KCTD20: variants seen among roughly 807,000 people sequenced by gnomAD.
The protein encoded by KCTD20 is BTB/POZ domain-containing protein KCTD20.
A neutral mutation model predicts 39.6 loss-of-function variants in KCTD20; 30 were observed. That is an observed-to-expected ratio of 0.76 (90% CI 0.57 to 1.03). The LOEUF is 1.03. Among genes scored for constraint, KCTD20 ranks in the 50% least tolerant of loss-of-function variants. The probability of loss-of-function intolerance (pLI) is 0.00; values close to 1 mark genes in which losing one functional copy is unlikely to be tolerated. For missense variants in KCTD20, 422 were observed against 522.0 expected (o/e 0.81, Z 1.87); for synonymous variants, 162 against 180.6 (o/e 0.90, Z 0.83).
chr6:36,474,704 T>G (rs994697578), intron 2 of KCTD20, 85 bp from the exon 3 acceptor site: 5 of 1,292,030 alleles, frequency 3.9e-6, no homozygotes, highest in Non-Finnish European at 5.2e-6. Context: ...TTTGTTTGTT[T>G]ACTTGTTTTA....
At chr6:36,467,369 C>T (rs1212717889) in intron 1 of KCTD20, among the ~76,000 whole-genome samples, 4 of 80,848 alleles carry the variant, frequency 4.9e-5, no homozygotes, top group African/African-American at 1.9e-4. Context: ...GACGGAGTTT[C>T]GCACTTTCGC....
intron 5 of KCTD20, 64 bp from the exon 6 acceptor site, chr6:36,481,498 T>C: frequency 1.6e-6 from 2 of 1,245,450 alleles, no homozygotes; most frequent in East Asian, 2.3e-5. Context: ...CTCATAGTCT[T>C]TTTCACTCCA....
chr6:36,446,353 TTAAA>T (rs1775048657), intron 1 of KCTD20, among the ~76,000 whole-genome samples: 2 of 152,174 alleles, frequency 1.3e-5, no homozygotes, highest in African/African-American at 4.8e-5. Context: ...TAAAAAAATA[TTAAA>T]TAAAGGCTTA....
At chr6:36,460,567 A>G (rs1024069603) in intron 1 of KCTD20, among the ~76,000 whole-genome samples, 3 of 152,194 alleles carry the variant, frequency 2.0e-5, no homozygotes, top group Non-Finnish European at 2.9e-5. Context: ...AGCCTCCCAA[A>G]GTGTTGGGAT....
In KCTD20 at chr6:36,489,124, G is replaced by A. The variant is rs956650713; in HGVS notation, c.*1949G>A. The stretch of plus-strand genomic sequence containing the variant: ...AATGGTGCTTCTTTTCTGCTTCTCA[G>A]TAGACTTCCATGCCATTACAAAGGA... On this transcript the variant is annotated 3_prime_UTR_variant, in exon 8 of 8. Coordinates refer to ENST00000373731, the MANE Select transcript of KCTD20 (RefSeq NM_173562.5). 1.3e-5 allele frequency: 2 copies of A among 152,610 alleles called. No homozygotes were observed. Among genetic ancestry groups the A allele is most frequent in the Non-Finnish European group, 2.9e-5 (2 of 68,038 alleles). 9.5% of individuals were successfully genotyped at this position (152,610 alleles called of 1,614,324 possible). A position where few individuals can be genotyped will look rare whatever the true frequency, so the allele number is the denominator to read the frequency against.
chr6:36,480,313 C>G (rs562221693), intron 5 of KCTD20, among the ~76,000 whole-genome samples: 1 of 151,830 alleles, frequency 6.6e-6, no homozygotes, highest in East Asian at 1.9e-4. Flanking sequence ...TGTCTCGACT[C>G]TAACAAACAA....
At chr6:36,472,559 G>C (rs1203527173) in intron 2 of KCTD20, among the ~76,000 whole-genome samples, 1 of 151,634 alleles carries the variant, frequency 6.6e-6, no homozygotes, top group Non-Finnish European at 1.5e-5. Context: ...TTCAAAAAGG[G>C]CTTGAAGAAA....
chr6:36,448,015 G>GTATATA lies in KCTD20; in HGVS notation c.-47+4924_-47+4929dup, dbSNP rs70975158. 2.9e-3 allele frequency among the ~76,000 whole-genome samples: 368 copies of GTATATA among 128,932 alleles called. 4 individuals are homozygous for GTATATA. Among genetic ancestry groups the GTATATA allele is most frequent in the African/African-American group, 0.011 (319 of 29,074 alleles). The allele number at this position is 128,932 out of a possible 152,430, so 84.6% of individuals were successfully genotyped here. On this transcript the variant is annotated intron_variant, in intron 1 of 7. Coordinates refer to ENST00000373731, the MANE Select transcript of KCTD20 (RefSeq NM_173562.5). ...CCAAAATATATGTGTATGTGTGTGT[G>GTATATA]TATATATATATATATATATATATAT...
In KCTD20 at chr6:36,482,878, G is replaced by T. The variant is rs140261053; in HGVS notation, c.856+1119G>T. ...GGAGAATCACTTGAACCCAGGAGGCGGAGGTTGCAGTGAGACAAGATCACA... is the reference window on the plus strand; with the variant it reads ...GGAGAATCACTTGAACCCAGGAGGCTGAGGTTGCAGTGAGACAAGATCACA... On this transcript the variant is annotated intron_variant, in intron 6 of 7. Transcript: ENST00000373731. Among the ~76,000 whole-genome samples the T allele has an allele frequency of 1.9e-4, 29 of 151,044 alleles. No individual in the cohort carries two copies. In the East Asian group the frequency reaches 5.7e-3, roughly 30 times the overall value.
Position 36,484,757 on chromosome 6 carries a change from G to C in KCTD20, c.900G>C (p.Glu300Asp). ...TCTACAGATTCTTCAAATATATTGA[G>C]AATAGGGATGTTGCAAAAACAGTGT... ...SKLYRFFKYI[E>D]NRDVAKTVLK... Residue 300 changes from glutamate to aspartate, a missense_variant, in exon 7 of 8, where the codon GAG becomes GAC. Physicochemically the swap from Glu to Asp is conservative, Grantham distance 45 (BLOSUM62 2). Transcript: ENST00000373731. The C allele has an allele frequency of 6.2e-7, 1 of 1,605,404 alleles. No homozygotes were observed. The highest frequency in any genetic ancestry group is 8.5e-7 in the Non-Finnish European group (1 of 1,175,620).
chr6:36,461,435 TA>T (rs1294840336), intron 1 of KCTD20, among the ~76,000 whole-genome samples: 1 of 152,222 alleles, frequency 6.6e-6, no homozygotes, highest in East Asian at 1.9e-4. Context: ...ATTCATGTTT[TA>T]TATTTAAACT....
Position 36,453,111 on chromosome 6 carries a change from A to G in KCTD20, c.-47+10000A>G, listed in dbSNP as rs1282100546. 2.0e-5 allele frequency among the ~76,000 whole-genome samples: 3 copies of G among 146,800 alleles called. No individual in the cohort carries two copies. The Admixed American group carries it at 2.1e-4, about 10-fold the overall frequency. On this transcript the variant is annotated intron_variant, in intron 1 of 7. Coordinates refer to ENST00000373731, the MANE Select transcript of KCTD20 (RefSeq NM_173562.5). ...CAACCTCCGCCTCCCAGGCTCAAGC[A>G]ATTTGAGTGCCTCAGCCTCCCAAGT... is the stretch of plus-strand genomic sequence containing the variant.
intron 1 of KCTD20, among the ~76,000 whole-genome samples, chr6:36,466,356 C>A (rs1483530549): frequency 2.0e-5 from 3 of 151,164 alleles, no homozygotes; most frequent in African/African-American, 4.9e-5. Flanking sequence ...AGCCACTGGG[C>A]CTGGCTGTGT....
chr6:36,477,946 T>C (rs747013939), intron 3 of KCTD20, among the ~76,000 whole-genome samples: 24 of 150,870 alleles, frequency 1.6e-4, no homozygotes, highest in Non-Finnish European at 3.2e-4. Flanking sequence ...ACAAAAAAAA[T>C]TAGCCGGGTG....
rs1776466838 is a variant in KCTD20, at chr6:36,487,606, C to CT, written c.*432dup. 6.4e-6 allele frequency: 1 copy of CT among 157,112 alleles called. No individual in the cohort carries two copies. Among genetic ancestry groups the CT allele is most frequent in the Non-Finnish European group, 1.4e-5 (1 of 71,270 alleles). The allele number at this position is 157,112 out of a possible 1,614,324, so 9.7% of individuals were successfully genotyped here. A position where few individuals can be genotyped will look rare whatever the true frequency, so the allele number is the denominator to read the frequency against. On this transcript the variant is annotated 3_prime_UTR_variant, in exon 8 of 8. Coordinates refer to ENST00000373731, the MANE Select transcript of KCTD20 (RefSeq NM_173562.5). ...GACCAAACTGAAAAGGTGACAATCT[C>CT]TAACTTCTAAAAGCAGACACCAATC... is the stretch of plus-strand genomic sequence containing the variant.
chr6:36,480,520 G>C (rs1348635650), intron 5 of KCTD20, among the ~76,000 whole-genome samples: 4 of 148,130 alleles, frequency 2.7e-5, no homozygotes, highest in Non-Finnish European at 6.0e-5. Context: ...AGCCTCCTGA[G>C]TAGCTGGGAC....
Position 36,470,264 on chromosome 6 carries a change from T to G in KCTD20, c.160+7T>G, listed in dbSNP as rs369128232. 6.3e-6 allele frequency: 10 copies of G among 1,594,652 alleles called. No individual in the cohort carries two copies. The South Asian group carries it at 7.9e-5, about 13-fold the overall frequency. ...CTAGGTCCCAGGAATGAAGGTACAG[T>G]GATTAACTCTTGACTTAATTTGGGG... On this transcript the variant is annotated splice_region_variant and intron_variant, in intron 2 of 7. Coordinates refer to ENST00000373731, the MANE Select transcript of KCTD20 (RefSeq NM_173562.5).
At chr6:36,450,874 C>T (rs147386609) in intron 1 of KCTD20, 41 of 152,274 alleles carry the variant, frequency 2.7e-4, no homozygotes, top group African/African-American at 7.9e-4. Context: ...CTGTTTCAAG[C>T]AGTTTTAAAA....
Position 36,487,375 on chromosome 6 carries a change from G to C in KCTD20, c.*200G>C, listed in dbSNP as rs956146386. On this transcript the variant is annotated 3_prime_UTR_variant, in exon 8 of 8. Coordinates refer to ENST00000373731, the MANE Select transcript of KCTD20 (RefSeq NM_173562.5). ...ATGAAGAAGTACTCACTGGTAATTA[G>C]CTACCATCTTTGCAGCAGCCCTGGT... 1 of 583,896 alleles carries C rather than the reference G, an allele frequency of 1.7e-6. No individual in the cohort carries two copies. Among genetic ancestry groups the C allele is most frequent in the African/African-American group, 1.9e-5 (1 of 53,710 alleles). 36.2% of individuals were successfully genotyped at this position (583,896 alleles called of 1,614,324 possible).
Sources: gnomAD v4.1 joint callset for allele counts (sites outside exome capture counted in the v4.1 genomes callset) on GRCh38, gnomAD v4.1.1 for gene constraint, MANE v1.5 for transcripts, NCBI Gene and HGNC (gene_info 2026-07-23, HGNC 2026-07-21) for gene names.